Variants in PPP2R5A observed in about 807,000 individuals in gnomAD.
PPP2R5A encodes serine/threonine-protein phosphatase 2A 56 kDa regulatory subunit alpha isoform.
In PPP2R5A, 25 loss-of-function variants were observed where a neutral mutation model predicts 64.2. The observed-to-expected ratio is 0.39, with a 90% CI of 0.28 to 0.54. PPP2R5A has a LOEUF of 0.54. Among genes scored for constraint, PPP2R5A ranks in the 20% least tolerant of loss-of-function variants. The pLI is 0.67. For synonymous variants in PPP2R5A, 198 were observed against 201.2 expected (o/e 0.98, Z 0.13); for missense variants, 425 against 576.3 (o/e 0.74, Z 2.69).
chr1:212,328,568 A>C (rs556465894), intron 1 of PPP2R5A, among the ~76,000 whole-genome samples: 3 of 152,286 alleles, frequency 2.0e-5, no homozygotes, highest in African/African-American at 7.2e-5. Flanking sequence ...TTATTTAATT[A>C]TTGGAGTATC....
chr1:212,291,012 AT>A (rs1293930204), intron 1 of PPP2R5A, among the ~76,000 whole-genome samples: 11 of 152,216 alleles, frequency 7.2e-5, no homozygotes, highest in Non-Finnish European at 1.5e-4. Context: ...TAAAAGTTAG[AT>A]TTTTGTAAAA....
intron 1 of PPP2R5A, among the ~76,000 whole-genome samples, chr1:212,309,713 C>T (rs1026127660): frequency 2.6e-5 from 4 of 152,170 alleles, no homozygotes; most frequent in Middle Eastern, 3.4e-3. Flanking sequence ...ATTAACTGGA[C>T]ATTTAAAATA....
At chr1:212,303,401 A>G (rs927103142) in intron 1 of PPP2R5A, among the ~76,000 whole-genome samples, 1 of 151,166 alleles carries the variant, frequency 6.6e-6, no homozygotes, top group African/African-American at 2.4e-5. Context: ...TGGAGAAATG[A>G]CTCTTTAGAT....
intron 4 of PPP2R5A, among the ~76,000 whole-genome samples, chr1:212,344,584 C>T (rs1480926449): frequency 6.6e-6 from 1 of 152,104 alleles, no homozygotes; most frequent in African/African-American, 2.4e-5. Flanking sequence ...ACATAAAATT[C>T]CTTGACAGCT....
chr1:212,356,893 CTA>C, intron 9 of PPP2R5A, 55 bp from the exon 10 acceptor site: 2 of 1,402,198 alleles, frequency 1.4e-6, no homozygotes, highest in Non-Finnish European at 1.9e-6. Flanking sequence ...TGTATGGTTT[CTA>C]TATTAGTTTC....
chr1:212,310,284 A>G (rs1472670563), intron 1 of PPP2R5A, among the ~76,000 whole-genome samples: 1 of 146,190 alleles, frequency 6.8e-6, no homozygotes, highest in Non-Finnish European at 1.5e-5. Flanking sequence ...AGGGCTCCAC[A>G]CTGCTGGGTT....
intron 5 of PPP2R5A, among the ~76,000 whole-genome samples, chr1:212,346,237 A>ATATG (rs1659775238): frequency 6.6e-6 from 1 of 152,032 alleles, no homozygotes; most frequent in Non-Finnish European, 1.5e-5. Flanking sequence ...TAACATATAT[A>ATATG]TGTAACATAG....
intron 1 of PPP2R5A, among the ~76,000 whole-genome samples, chr1:212,306,058 G>C (rs983261270): frequency 2.6e-5 from 4 of 152,168 alleles, no homozygotes; most frequent in South Asian, 2.1e-4. Context: ...AAAGGGGCAC[G>C]AGAGCCTTTA....
At chr1:212,316,473 G>C (rs1659154695) in intron 1 of PPP2R5A, among the ~76,000 whole-genome samples, 1 of 151,414 alleles carries the variant, frequency 6.6e-6, no homozygotes, top group Admixed American at 6.6e-5. Flanking sequence ...ATTGATAGTT[G>C]ACTAGTTACA....
chr1:212,337,321 G>A (rs1659607707), intron 3 of PPP2R5A, among the ~76,000 whole-genome samples: 1 of 152,088 alleles, frequency 6.6e-6, no homozygotes. Context: ...CAGGCAGATT[G>A]TGTATTTTCA....
At chr1:212,337,311 C>T (rs911394906) in intron 3 of PPP2R5A, among the ~76,000 whole-genome samples, 1 of 152,120 alleles carries the variant, frequency 6.6e-6, no homozygotes, top group African/African-American at 2.4e-5. Flanking sequence ...GCCTGGAATA[C>T]AGGCAGATTG....
chr1:212,338,220 G>C (rs1017911527), intron 3 of PPP2R5A, among the ~76,000 whole-genome samples: 10 of 152,074 alleles, frequency 6.6e-5, no homozygotes, highest in Non-Finnish European at 1.3e-4. Context: ...AACTCCCTTA[G>C]GAAAGACATG....
At chr1:212,289,021 A>G (rs1188313062) in intron 1 of PPP2R5A, among the ~76,000 whole-genome samples, 1 of 152,260 alleles carries the variant, frequency 6.6e-6, no homozygotes, top group Admixed American at 6.5e-5. Context: ...TTTAATGGCA[A>G]AAATGTTCAG....
chr1:212,356,722 A>G, intron 9 of PPP2R5A, 46 bp downstream of exon 9: 1 of 1,579,234 alleles, frequency 6.3e-7, no homozygotes, highest in East Asian at 2.2e-5. Context: ...AGAACTTGTC[A>G]ATCCCAGGGC....
chr1:212,315,123 A>G (rs12079314), intron 1 of PPP2R5A, among the ~76,000 whole-genome samples: 14,297 of 152,290 alleles, frequency 0.094, 2,190 homozygotes, highest in African/African-American at 0.32. Flanking sequence ...AACTTTTCCT[A>G]TGGGAACACA....
intron 4 of PPP2R5A, among the ~76,000 whole-genome samples, chr1:212,344,005 C>G (rs1468193544): frequency 6.6e-6 from 1 of 152,086 alleles, no homozygotes; most frequent in South Asian, 2.1e-4. Flanking sequence ...CTGTTTTGCT[C>G]TTGTTGCCCA....
At chr1:212,345,696 T>C (rs2102442880) in intron 4 of PPP2R5A, 107 bp from the exon 5 acceptor site, 1 of 1,189,082 alleles carries the variant, frequency 8.4e-7, no homozygotes, top group East Asian at 2.6e-5. Flanking sequence ...AAGGAAGAAC[T>C]CTAAAAAATT....
intron 1 of PPP2R5A, among the ~76,000 whole-genome samples, chr1:212,322,265 G>GGAGGTA (rs1659319164): frequency 1.2e-5 from 1 of 85,280 alleles, no homozygotes; most frequent in African/African-American, 5.3e-5. Flanking sequence ...GAGAGGGAGA[G>GGAGGTA]GAGGGAGAGG....
At chr1:212,359,283 C>G (rs1352969257) in intron 12 of PPP2R5A, among the ~76,000 whole-genome samples, 1 of 152,132 alleles carries the variant, frequency 6.6e-6, no homozygotes, top group South Asian at 2.1e-4. Context: ...GTAGGTAATT[C>G]TTACGCTGTG....
Sources: gnomAD v4.1 joint callset for allele counts (sites outside exome capture counted in the v4.1 genomes callset) on GRCh38, gnomAD v4.1.1 for gene constraint, MANE v1.5 for transcripts, NCBI Gene and HGNC (gene_info 2026-07-23, HGNC 2026-07-21) for gene names.